TMEM269: variants seen among roughly 807,000 people sequenced by gnomAD.
TMEM269 encodes the protein transmembrane protein 269.
A neutral mutation model predicts 15.8 loss-of-function variants in TMEM269; 12 were observed. The ratio of observed to expected loss-of-function variants is 0.76; its 90% CI spans 0.49 to 1.23. The LOEUF (loss-of-function observed/expected upper bound fraction) is 1.23. Among genes scored for constraint, TMEM269 ranks in the 50% most tolerant of loss-of-function variants. The pLI, the probability that TMEM269 is intolerant of heterozygous loss-of-function variation, is 0.00. For missense variants in TMEM269, 211 were observed against 245.4 expected (o/e 0.86, Z 0.94); for synonymous variants, 93 against 99.3 (o/e 0.94, Z 0.38).
intron 2 of TMEM269, among the ~76,000 whole-genome samples, 197 bp from the exon 3 acceptor site, chr1:42,792,608 T>C (rs1653716369): frequency 1.3e-5 from 2 of 152,202 alleles, no homozygotes; most frequent in Middle Eastern, 3.4e-3. Flanking sequence ...TGTATGTGCA[T>C]GTGTGGTGCA....
chr1:42,787,866 C>T (rs976807036), intron 1 of TMEM269: 4 of 152,344 alleles, frequency 2.6e-5, no homozygotes, highest in African/African-American at 9.6e-5. Context: ...TTTGATCTTG[C>T]TGGGGTCAGC....
At position 42,796,261 on chromosome 1, in the gene TMEM269, C is replaced by T. The variant is rs546910917; in HGVS notation, c.484+1648C>T. 4.6e-5 allele frequency among the ~76,000 whole-genome samples: 7 copies of T among 152,312 alleles called. No homozygotes were observed. The East Asian group carries it at 1.2e-3, about 25-fold the overall frequency. On this transcript the variant is annotated intron_variant, in intron 5 of 5. Coordinates refer to ENST00000637012, the MANE Select transcript of TMEM269 (RefSeq NM_001354602.2). ...GTGTTCTTCGCTCCTGTAGATACTA[C>T]TGATCCCCCTCTTCTCAAAATAAAC...
rs1390879377 is a variant in TMEM269 at position 42,788,774 on chromosome 1, T to C, written c.-98-1022T>C. ...TACTTACCATGTGACTTTGAGCAAG[T>C]ATCTTCCTCTCTTTTAACTGTAGTT... On this transcript the variant is annotated intron_variant, in intron 1 of 5. Transcript: ENST00000637012. The surrounding 1 kb of genome is among the most constrained non-coding windows in gnomAD (Gnocchi z 4.0). Among the ~76,000 whole-genome samples the C allele has an allele frequency of 1.3e-5, 2 of 152,168 alleles. No individual in the cohort carries two copies. The highest frequency in any genetic ancestry group is 2.9e-5 in the Non-Finnish European group (2 of 68,012).
rs375794799 is a variant in TMEM269 at position 42,791,800 on chromosome 1, G to A, written c.42-1005G>A. Among the ~76,000 whole-genome samples, 8 of 152,254 alleles carry A rather than the reference G, an allele frequency of 5.3e-5. No homozygotes were observed. The East Asian group carries it at 7.7e-4, about 15-fold the overall frequency. On this transcript the variant is annotated intron_variant, in intron 2 of 5. Coordinates refer to ENST00000637012, the MANE Select transcript of TMEM269 (RefSeq NM_001354602.2). ...GCGGATCACTTGAGGTCAGGAGCTC[G>A]AGACCAGCCTGGCCAACATGGTGAA...
Position 42,793,741 on chromosome 1 carries a change from C to G in TMEM269, c.280C>G (p.Pro94Ala), listed in dbSNP as rs1015609474. Residue 94 changes from proline (P) to alanine (A), a missense_variant, in exon 4 of 6, where the codon CCT becomes GCT. Transcript: ENST00000637012. ...TTCTTTCCACTTGTGCTTTTATTCA[C>G]CTGGTGAGTGGAACCAAGGTTGCCT... ...AASFHLCFYSPGVPSTYKGLP... is the reference protein window; with the variant it reads ...AASFHLCFYSAGVPSTYKGLP... 2 of 1,549,952 alleles carry G rather than the reference C, an allele frequency of 1.3e-6. No homozygotes were observed. Among genetic ancestry groups the G allele is most frequent in the African/African-American group, 1.4e-5 (1 of 73,048 alleles).
At chr1:42,793,537 G>C (rs773454865) in intron 3 of TMEM269, 64 bp from the exon 4 acceptor site, 2 of 1,470,232 alleles carry the variant, frequency 1.4e-6, no homozygotes, top group Non-Finnish European at 1.8e-6. Context: ...TCCCCTACTA[G>C]ATGGGGGCTA....
chr1:42,796,284 A>G (rs1177823762), intron 5 of TMEM269, among the ~76,000 whole-genome samples: 1 of 152,134 alleles, frequency 6.6e-6, no homozygotes, highest in Non-Finnish European at 1.5e-5. Context: ...TCTCAAAATA[A>G]ACCACATACT....
At chr1:42,790,384 C>T (rs963738736) in intron 2 of TMEM269, among the ~76,000 whole-genome samples, 8 of 152,068 alleles carry the variant, frequency 5.3e-5, no homozygotes, top group South Asian at 2.1e-4. Flanking sequence ...CTTTATGATG[C>T]GGGTAACATC....
At chr1:42,792,746 GTC>G (rs1653720015) in intron 2 of TMEM269, 57 bp from the exon 3 acceptor site, 7 of 1,002,370 alleles carry the variant, frequency 7.0e-6, no homozygotes, top group African/African-American at 1.6e-5. Context: ...GCAGGGGAGA[GTC>G]TCCAGTGGAA....
chr1:42,787,416 A>C (rs961401639), intron 1 of TMEM269, among the ~76,000 whole-genome samples: 3 of 151,234 alleles, frequency 2.0e-5, no homozygotes, highest in Admixed American at 6.6e-5. Context: ...CTGGCTAACA[A>C]GGTGAAACCC....
intron 5 of TMEM269, 94 bp from the exon 6 acceptor site, chr1:42,798,004 A>T (rs1653817526): frequency 7.0e-7 from 1 of 1,421,824 alleles, no homozygotes; most frequent in Admixed American, 2.0e-5. Flanking sequence ...GGTGAAAAGT[A>T]AAGAATGGGA....
At chr1:42,787,556 T>C (rs1483973122) in intron 1 of TMEM269, among the ~76,000 whole-genome samples, 6 of 139,042 alleles carry the variant, frequency 4.3e-5, no homozygotes, top group Admixed American at 3.3e-4. Context: ...GCCGAGATTG[T>C]GCCACTGCAG....
rs1412478349 is a variant in TMEM269 at position 42,788,628 on chromosome 1, G to A, written c.-98-1168G>A. ...CCACACACACAGGGAGGCTGCTGCT[G>A]CCTCGCAGGCCTGGCCATTGAGCTC... On this transcript the variant is annotated intron_variant, in intron 1 of 5. Coordinates refer to ENST00000637012, the MANE Select transcript of TMEM269 (RefSeq NM_001354602.2). The surrounding 1 kb of genome is among the most constrained non-coding windows in gnomAD (Gnocchi z 4.0). Among the ~76,000 whole-genome samples, 2 of 152,180 alleles carry A rather than the reference G, an allele frequency of 1.3e-5. No homozygotes were observed. Among genetic ancestry groups the A allele is most frequent in the African/African-American group, 4.8e-5 (2 of 41,430 alleles).
intron 5 of TMEM269, among the ~76,000 whole-genome samples, chr1:42,795,217 C>T (rs927602244): frequency 6.6e-6 from 1 of 152,032 alleles, no homozygotes; most frequent in East Asian, 1.9e-4. Context: ...GAGGTTCAGG[C>T]AGAGGAACAG....
chr1:42,789,617 C>T (rs1465000500), intron 1 of TMEM269, 179 bp from the exon 2 acceptor site: 5 of 1,017,270 alleles, frequency 4.9e-6, no homozygotes, highest in Non-Finnish European at 7.3e-6. Context: ...TCCTCAGCAC[C>T]TTTGTCTTCA....
chr1:42,791,730 A>G (rs1187704944), intron 2 of TMEM269, among the ~76,000 whole-genome samples: 1 of 152,228 alleles, frequency 6.6e-6, no homozygotes, highest in Non-Finnish European at 1.5e-5. Context: ...GGCCGGGCGC[A>G]GTGGCACATG....
In TMEM269 at chr1:42,799,331, G is replaced by C. The variant is rs1031646247; in HGVS notation, c.*1106G>C. ...CCACCTCCCAGATGGTGGAAAAAAG[G>C]ATTGATGGCTGGTTCTGCTCCACCC... On this transcript the variant is annotated 3_prime_UTR_variant, in exon 6 of 6. Coordinates refer to ENST00000637012, the MANE Select transcript of TMEM269 (RefSeq NM_001354602.2). The C allele has an allele frequency of 6.6e-6, 1 of 151,560 alleles. No homozygotes were observed. The highest frequency in any genetic ancestry group is 2.1e-4 in the South Asian group (1 of 4,794). 9.4% of individuals were successfully genotyped at this position (151,560 alleles called of 1,614,324 possible).
rs1029571619 is a variant in TMEM269 at position 42,787,532 on chromosome 1, G to A, written c.-98-2264G>A. Among the ~76,000 whole-genome samples, 11 of 147,264 alleles carry A rather than the reference G, an allele frequency of 7.5e-5. No homozygotes were observed. The East Asian group carries it at 2.0e-3, about 27-fold the overall frequency. On this transcript the variant is annotated intron_variant, in intron 1 of 5. Coordinates refer to ENST00000637012, the MANE Select transcript of TMEM269 (RefSeq NM_001354602.2). Reference sequence around the variant, plus strand: ...GGAGAATGGCGTGAACCCGGGAAGCGGAGCTTGCAGTGAGCCGAGATTGTG... The same window carrying A: ...GGAGAATGGCGTGAACCCGGGAAGCAGAGCTTGCAGTGAGCCGAGATTGTG...
rs903040217 is a variant in TMEM269 at position 42,797,358 on chromosome 1, C to T, written c.485-740C>T. On this transcript the variant is annotated intron_variant, in intron 5 of 5. Coordinates refer to ENST00000637012, the MANE Select transcript of TMEM269 (RefSeq NM_001354602.2). This position sits in a 1 kb window ranked among gnomAD's most constrained non-coding sequence, Gnocchi z 4.9. Reference sequence around the variant, plus strand: ...AGAGTCCTCTCCCAGTAGAGTCACACGAGATGCACTTAATTCCTCAGCACT... The same window carrying T: ...AGAGTCCTCTCCCAGTAGAGTCACATGAGATGCACTTAATTCCTCAGCACT... Among the ~76,000 whole-genome samples, 1 of 152,106 alleles carries T rather than the reference C, an allele frequency of 6.6e-6. No homozygotes were observed. Among genetic ancestry groups the T allele is most frequent in the Non-Finnish European group, 1.5e-5 (1 of 68,028 alleles).
Sources: gnomAD v4.1 joint callset for allele counts (sites outside exome capture counted in the v4.1 genomes callset) on GRCh38, gnomAD v4.1.1 for gene constraint, Gnocchi (gnomAD v3.1) non-coding constraint, MANE v1.5 for transcripts, NCBI Gene and HGNC (gene_info 2026-07-23, HGNC 2026-07-21) for gene names.